USH2A: variants seen among roughly 807,000 people sequenced by gnomAD.
USH2A encodes the protein Usher syndrome 2A (autosomal recessive, mild).
Under a neutral mutation model 538.9 loss-of-function variants are expected in USH2A, and 443 were observed. The ratio of observed to expected loss-of-function variants is 0.82; its 90% CI spans 0.76 to 0.89. The LOEUF (loss-of-function observed/expected upper bound fraction) is 0.89, where lower values mean the gene tolerates loss of function less well. Ranked by LOEUF, USH2A falls within the 40% of genes least tolerant of loss-of-function variation. The pLI is 0.00. For synonymous variants in USH2A, 2,413 were observed against 2,273.5 expected (o/e 1.06, Z -1.75); for missense variants, 6,633 against 6,324.8 (o/e 1.05, Z -1.65).
At chr1:215,815,916 C>T (rs1662847180) in intron 48 of USH2A, among the ~76,000 whole-genome samples, 1 of 152,042 alleles carries the variant, frequency 6.6e-6, no homozygotes, top group Admixed American at 6.6e-5. Flanking sequence ...TTTGATGGAA[C>T]ACATTGTTTT....
intron 32 of USH2A, among the ~76,000 whole-genome samples, chr1:216,022,324 T>C (rs1310443388): frequency 1.3e-5 from 2 of 152,026 alleles, no homozygotes; most frequent in Non-Finnish European, 2.9e-5. Flanking sequence ...GGGACAGTCA[T>C]GGAAAGAGGG....
intron 47 of USH2A, among the ~76,000 whole-genome samples, chr1:215,828,082 A>G (rs1320109666): frequency 6.6e-6 from 1 of 152,114 alleles, no homozygotes; most frequent in Non-Finnish European, 1.5e-5. Context: ...GGTGAGGAAA[A>G]AAGGAGAATC....
At chr1:215,773,842 T>C (rs984584288) in intron 55 of USH2A, among the ~76,000 whole-genome samples, 3 of 152,156 alleles carry the variant, frequency 2.0e-5, no homozygotes, top group Admixed American at 6.5e-5. Flanking sequence ...CTTAGATCAA[T>C]CTGACAATCT....
chr1:216,093,091 A>G (rs930896117), intron 22 of USH2A, among the ~76,000 whole-genome samples: 5 of 152,006 alleles, frequency 3.3e-5, no homozygotes, highest in African/African-American at 7.3e-5. Context: ...CAGTCTCCCG[A>G]GTAGCGGGGA....
Position 215,709,966 on chromosome 1 carries a change from G to A in USH2A, c.12066+18064C>T, listed in dbSNP as rs569489341. On this transcript the variant is annotated intron_variant, in intron 61 of 71. Transcript: ENST00000307340. ...GTGAAGAAGACCGATGCACATACAA[G>A]TGATTGGGGCAAGGTATAAAATATT... 5.9e-5 allele frequency among the ~76,000 whole-genome samples: 9 copies of A among 152,348 alleles called. 1 individual carries two copies. Among genetic ancestry groups the A allele is most frequent in the African/African-American group, 2.2e-4 (9 of 41,586 alleles).
At chr1:215,730,628 T>C (rs1422163741) in intron 60 of USH2A, among the ~76,000 whole-genome samples, 1 of 152,220 alleles carries the variant, frequency 6.6e-6, no homozygotes, top group Non-Finnish European at 1.5e-5. Context: ...GAATGACAGT[T>C]ACCTTTCACA....
intron 32 of USH2A, among the ~76,000 whole-genome samples, chr1:216,011,045 C>G (rs1668553491): frequency 6.6e-6 from 1 of 152,234 alleles, no homozygotes; most frequent in African/African-American, 2.4e-5. Context: ...CCGCCTGCTA[C>G]AGCATGGCCT....
intron 3 of USH2A, among the ~76,000 whole-genome samples, chr1:216,375,610 T>C (rs1017340782): frequency 2.0e-5 from 3 of 152,202 alleles, no homozygotes; most frequent in Non-Finnish European, 4.4e-5. Flanking sequence ...TTTCTCCACA[T>C]CAGCAATAAA....
At chr1:216,059,132 G>A (rs1035163299) in intron 30 of USH2A, among the ~76,000 whole-genome samples, 1 of 152,106 alleles carries the variant, frequency 6.6e-6, no homozygotes. Flanking sequence ...CATATATAGA[G>A]AGAGAGCATA....
At chr1:215,855,644 A>G (rs376019344) in intron 44 of USH2A, among the ~76,000 whole-genome samples, 1 of 152,184 alleles carries the variant, frequency 6.6e-6, no homozygotes, top group Admixed American at 6.5e-5. Context: ...TGCAATTCCC[A>G]TCAAAATACC....
At chr1:216,068,899 T>C (rs2102544966) in intron 30 of USH2A, among the ~76,000 whole-genome samples, 1 of 152,236 alleles carries the variant, frequency 6.6e-6, no homozygotes. Context: ...AAGAAAGTAA[T>C]AGAAATCCTA....
intron 63 of USH2A, 88 bp downstream of exon 63, chr1:215,674,012 A>T (rs1248325353): frequency 8.7e-6 from 14 of 1,610,920 alleles, no homozygotes; most frequent in African/African-American, 1.3e-5. Flanking sequence ...TCCCATTTTT[A>T]GAGTCTTCAT....
At chr1:216,018,876 C>T (rs1481707559) in intron 32 of USH2A, among the ~76,000 whole-genome samples, 8 of 151,322 alleles carry the variant, frequency 5.3e-5, no homozygotes, top group African/African-American at 1.7e-4. Context: ...TCTAATTGAC[C>T]CATATCTAAT....
At chr1:216,015,456 C>A (rs555327892) in intron 32 of USH2A, among the ~76,000 whole-genome samples, 1 of 152,188 alleles carries the variant, frequency 6.6e-6, no homozygotes, top group Admixed American at 6.5e-5. Context: ...AACATCCTTG[C>A]TCTCCTTTTC....
At chr1:216,422,752 G>A (rs1289987894) in intron 1 of USH2A, among the ~76,000 whole-genome samples, 2 of 151,622 alleles carry the variant, frequency 1.3e-5, no homozygotes, top group Non-Finnish European at 2.9e-5. Context: ...AAGTCCACAG[G>A]ACAACCAGTA....
chr1:216,165,867 C>T (rs1213707093), intron 21 of USH2A, among the ~76,000 whole-genome samples: 3 of 146,910 alleles, frequency 2.0e-5, no homozygotes, highest in Non-Finnish European at 4.5e-5. Flanking sequence ...TATATGAATA[C>T]GTTCTTTAGT....
At chr1:216,059,320 A>G (rs1247889891) in intron 30 of USH2A, among the ~76,000 whole-genome samples, 4 of 152,184 alleles carry the variant, frequency 2.6e-5, no homozygotes, top group Non-Finnish European at 5.9e-5. Context: ...TATATGGCCC[A>G]TAAAGTATAG....
At chr1:215,963,278 T>A (rs3845529) in intron 37 of USH2A, among the ~76,000 whole-genome samples, 1 of 151,908 alleles carries the variant, frequency 6.6e-6, no homozygotes, top group East Asian at 1.9e-4. Flanking sequence ...GTCACCCAGC[T>A]GCTGATGGGT....
intron 11 of USH2A, among the ~76,000 whole-genome samples, chr1:216,262,635 C>T (rs924249237): frequency 4.6e-5 from 7 of 151,858 alleles, no homozygotes; most frequent in Non-Finnish European, 1.0e-4. Flanking sequence ...GACAAGATGA[C>T]AAAAAGGGTA....
Sources: gnomAD v4.1 joint callset for allele counts (sites outside exome capture counted in the v4.1 genomes callset) on GRCh38, gnomAD v4.1.1 for gene constraint, MANE v1.5 for transcripts, NCBI Gene and HGNC (gene_info 2026-07-23, HGNC 2026-07-21) for gene names.